The following CCDC191 variants were observed in gnomAD, a reference collection of about 807,000 sequenced individuals.
CCDC191 encodes the protein coiled-coil domain containing 191, also known as coiled-coil domain-containing protein 191.
Under a neutral mutation model 114.0 loss-of-function variants are expected in CCDC191, and 99 were observed. That is an observed-to-expected ratio of 0.87 (90% CI 0.74 to 1.03). The LOEUF is 1.03. Among genes scored for constraint, CCDC191 ranks in the 50% least tolerant of loss-of-function variants. The probability of loss-of-function intolerance (pLI) is 0.00; values close to 1 mark genes in which losing one functional copy is unlikely to be tolerated. For missense variants in CCDC191, 973 were observed against 1,087.0 expected, an observed-to-expected ratio of 0.90 and a Z score of 1.47; for synonymous variants, 351 against 376.0, an observed-to-expected ratio of 0.93 and a Z score of 0.77.
chr3:114,035,261 C>T, intron 5 of CCDC191, 113 bp from the exon 6 acceptor site: 2 of 699,890 alleles, frequency 2.9e-6, no homozygotes, highest in Non-Finnish European at 4.8e-6. Context: ...ATATGCTGGC[C>T]CAGAACTCCA....
chr3:114,013,755 A>T (rs1232622498), intron 8 of CCDC191, among the ~76,000 whole-genome samples: 1 of 152,216 alleles, frequency 6.6e-6, no homozygotes, highest in Non-Finnish European at 1.5e-5. Flanking sequence ...TAGGAATTTA[A>T]GTATGAACCT....
At chr3:113,965,871 A>C (rs1373059001) in intron 16 of CCDC191, among the ~76,000 whole-genome samples, 1 of 152,134 alleles carries the variant, frequency 6.6e-6, no homozygotes, top group Non-Finnish European at 1.5e-5. Context: ...CTGGGATTAC[A>C]GGTGTGGGCC....
chr3:114,027,877 T>G (rs1474668269), intron 7 of CCDC191, among the ~76,000 whole-genome samples: 3 of 152,156 alleles, frequency 2.0e-5, no homozygotes, highest in African/African-American at 4.8e-5. Context: ...AGTATCCAAG[T>G]TTCATTACTC....
intron 6 of CCDC191, among the ~76,000 whole-genome samples, chr3:114,032,628 T>C (rs539469723): frequency 2.6e-5 from 4 of 152,336 alleles, no homozygotes; most frequent in East Asian, 3.9e-4. Context: ...GAAACTAAAA[T>C]GGAGAAAGAT....
chr3:114,020,276 A>G (rs1288227801), intron 7 of CCDC191, among the ~76,000 whole-genome samples: 1 of 152,136 alleles, frequency 6.6e-6, no homozygotes, highest in Non-Finnish European at 1.5e-5. Flanking sequence ...GGATGTATCA[A>G]TGAAAAGACC....
In CCDC191 at chr3:114,005,387, G is replaced by A. The variant is rs373454886; in HGVS notation, c.1868+121C>T. The A allele has an allele frequency of 4.7e-5, 44 of 938,210 alleles. No individual in the cohort carries two copies. The African/African-American group carries it at 5.8e-4, about 12-fold the overall frequency. The allele number at this position is 938,210 out of a possible 1,614,324, so 58.1% of individuals were successfully genotyped here. On this transcript the variant is annotated intron_variant, in intron 10 of 16. Transcript: ENST00000295878. ...TCATAACTAGGCTTCTTTGCTTTGA[G>A]AGTGCAAAATCAAGGAAAAGGAACA...
chr3:113,973,661 C>A (rs549574402), intron 16 of CCDC191, among the ~76,000 whole-genome samples: 17 of 151,328 alleles, frequency 1.1e-4, no homozygotes, highest in Non-Finnish European at 2.2e-4. Flanking sequence ...CTGGCCTATA[C>A]CGTTTCTGCT....
Position 114,018,806 on chromosome 3 carries a change from C to T in CCDC191, c.1035G>A (p.Gly345=), listed in dbSNP as rs757480047. The part of the protein sequence containing the change: ...KLILDHRIKL[G]KAGTLSDWKI... ...TCCAGTCAGACAGGGTCCCAGCTTTCCCCAGCTTAATCCTATGATCAAGAA... is the reference window on the plus strand; with the variant it reads ...TCCAGTCAGACAGGGTCCCAGCTTTTCCCAGCTTAATCCTATGATCAAGAA... The change falls in exon 8 of 17, where the codon GGG becomes GGA. Residue 345 remains glycine (G), a synonymous_variant. Coordinates refer to ENST00000295878, the MANE Select transcript of CCDC191 (RefSeq NM_020817.2). 1 of 1,613,866 alleles carries T rather than the reference C, an allele frequency of 6.2e-7. No individual in the cohort carries two copies. The highest frequency in any genetic ancestry group is 8.5e-7 in the Non-Finnish European group (1 of 1,179,862).
At chr3:113,980,614 T>C (rs1246857251) in intron 14 of CCDC191, 36 bp downstream of exon 14, 2 of 1,523,140 alleles carry the variant, frequency 1.3e-6, no homozygotes, top group South Asian at 2.6e-5. Context: ...GAAAAGTCCA[T>C]TTTCTAATCT....
intron 7 of CCDC191, among the ~76,000 whole-genome samples, chr3:114,026,912 C>T (rs2076328940): frequency 6.6e-6 from 1 of 152,168 alleles, no homozygotes; most frequent in Admixed American, 6.5e-5. Context: ...TCTTTCTCTT[C>T]AGTTTTCACA....
chr3:113,988,339 C>G (rs905269829), intron 13 of CCDC191, among the ~76,000 whole-genome samples: 1 of 151,902 alleles, frequency 6.6e-6, no homozygotes, highest in African/African-American at 2.4e-5. Context: ...ACTAAAAATA[C>G]AAAAATTAGC....
Position 113,964,996 on chromosome 3 carries a change from T to C in CCDC191, c.*159A>G. ...TGAATGACTAGCAATCCAGGAAAAG[T>C]CAAAGAAGGGAATAAAAATTCTCAA... On this transcript the variant is annotated 3_prime_UTR_variant, in exon 17 of 17. Coordinates refer to ENST00000295878, the MANE Select transcript of CCDC191 (RefSeq NM_020817.2). 1 of 446,190 alleles carries C rather than the reference T, an allele frequency of 2.2e-6. No individual in the cohort carries two copies. Among genetic ancestry groups the C allele is most frequent in the Non-Finnish European group, 3.9e-6 (1 of 255,326 alleles). 27.6% of individuals were successfully genotyped at this position (446,190 alleles called of 1,614,324 possible).
At chr3:114,053,106 A>G (rs1427885394) in intron 2 of CCDC191, among the ~76,000 whole-genome samples, 1 of 152,236 alleles carries the variant, frequency 6.6e-6, no homozygotes, top group Non-Finnish European at 1.5e-5. Flanking sequence ...CCTAACATTA[A>G]GTGACCAGTT....
chr3:114,002,874 T>C (rs1214242252), intron 11 of CCDC191: 2 of 979,416 alleles, frequency 2.0e-6, no homozygotes, highest in Non-Finnish European at 2.4e-6. Context: ...CTAATTTGAT[T>C]ATATGTTTGA....
intron 13 of CCDC191, among the ~76,000 whole-genome samples, chr3:113,986,195 C>T (rs2107624161): frequency 6.6e-6 from 1 of 152,188 alleles, no homozygotes; most frequent in East Asian, 1.9e-4. Context: ...GATAAAGAGG[C>T]ACTTCAACTA....
At chr3:114,023,534 C>T (rs2076273984) in intron 7 of CCDC191, among the ~76,000 whole-genome samples, 1 of 152,042 alleles carries the variant, frequency 6.6e-6, no homozygotes, top group Non-Finnish European at 1.5e-5. Context: ...CAGAACAGAG[C>T]CCTCAGAAAT....
At chr3:114,042,942 C>A in intron 3 of CCDC191, 96 bp from the exon 4 acceptor site, 1 of 1,169,748 alleles carries the variant, frequency 8.5e-7, no homozygotes, top group Non-Finnish European at 1.2e-6. Flanking sequence ...AATTGAGTAC[C>A]TATCGTGTCA....
In CCDC191 at chr3:113,978,349, A is replaced by C. The variant is rs1407071444; in HGVS notation, c.2461-18T>G. 2.5e-6 allele frequency: 4 copies of C among 1,611,700 alleles called. No homozygotes were observed. Among genetic ancestry groups the C allele is most frequent in the Non-Finnish European group, 2.5e-6 (3 of 1,178,928 alleles). The stretch of plus-strand genomic sequence containing the variant: ...ATCACGTACTGGGGATGAAGACAGA[A>C]ATAAAAGTGAGACAAAAAATATCAG... On this transcript the variant is annotated intron_variant, in intron 15 of 16. Transcript: ENST00000295878.
At chr3:113,969,585 GCAC>G (rs772062411) in intron 16 of CCDC191, among the ~76,000 whole-genome samples, 49 of 152,104 alleles carry the variant, frequency 3.2e-4, no homozygotes, top group Non-Finnish European at 6.6e-4. Flanking sequence ...TGTTTTTCCA[GCAC>G]CATTTATTAA....
Sources: gnomAD v4.1 joint callset for allele counts (sites outside exome capture counted in the v4.1 genomes callset) on GRCh38, gnomAD v4.1.1 for gene constraint, MANE v1.5 for transcripts, NCBI Gene and HGNC (gene_info 2026-07-23, HGNC 2026-07-21) for gene names.